The following KCND2 variants were observed in gnomAD, a reference collection of about 807,000 sequenced individuals.
KCND2 encodes potassium voltage-gated channel subfamily D member 2, also known as A-type voltage-gated potassium channel KCND2.
KCND2 carries 16 observed loss-of-function variants against 54.4 expected under a neutral mutation model. The observed-to-expected ratio is 0.29, with a 90% CI of 0.20 to 0.45. KCND2 has a LOEUF of 0.45. Among genes scored for constraint, KCND2 ranks in the 20% least tolerant of loss-of-function variants. The pLI, the probability that KCND2 is intolerant of heterozygous loss-of-function variation, is 1.00. For synonymous variants in KCND2, 317 were observed against 310.7 expected (o/e 1.02, Z -0.21); for missense variants, 486 against 824.2 (o/e 0.59, Z 5.02).
At chr7:120,321,800 A>C (rs1799896373) in intron 1 of KCND2, among the ~76,000 whole-genome samples, 1 of 152,100 alleles carries the variant, frequency 6.6e-6, no homozygotes, top group Admixed American at 6.6e-5. Flanking sequence ...TTATAAAAGA[A>C]ACCAAATTTT....
At chr7:120,539,356 T>C (rs1446858134) in intron 1 of KCND2, among the ~76,000 whole-genome samples, 1 of 152,194 alleles carries the variant, frequency 6.6e-6, no homozygotes, top group African/African-American at 2.4e-5. Flanking sequence ...AAGTCATCTC[T>C]GAAGAGAGCT....
intron 1 of KCND2, among the ~76,000 whole-genome samples, chr7:120,298,370 A>G (rs536991911): frequency 3.4e-4 from 52 of 152,326 alleles, no homozygotes; most frequent in African/African-American, 1.2e-3. Flanking sequence ...GTAGATTTTC[A>G]CATTGAGAAG....
At chr7:120,619,086 A>G (rs1302432898) in intron 1 of KCND2, among the ~76,000 whole-genome samples, 1 of 152,232 alleles carries the variant, frequency 6.6e-6, no homozygotes, top group Non-Finnish European at 1.5e-5. Flanking sequence ...ACTCTGTACT[A>G]CATAAGTAGA....
chr7:120,293,185 A>AC (rs1276283444), intron 1 of KCND2, among the ~76,000 whole-genome samples: 1 of 151,916 alleles, frequency 6.6e-6, no homozygotes, highest in Non-Finnish European at 1.5e-5. Flanking sequence ...TTTGTGTGCT[A>AC]CCTAGCTACA....
chr7:120,429,012 G>A (rs1167475893), intron 1 of KCND2, among the ~76,000 whole-genome samples: 1 of 152,128 alleles, frequency 6.6e-6, no homozygotes, highest in Non-Finnish European at 1.5e-5. Flanking sequence ...TGGGATAATT[G>A]TCAAGAAGTT....
chr7:120,601,298 G>A (rs999750412), intron 1 of KCND2, among the ~76,000 whole-genome samples: 1 of 152,084 alleles, frequency 6.6e-6, no homozygotes, highest in Admixed American at 6.6e-5. Flanking sequence ...TAACATGCTT[G>A]ATGCTGCAGT....
chr7:120,327,648 T>C (rs1799997416), intron 1 of KCND2, among the ~76,000 whole-genome samples: 1 of 152,280 alleles, frequency 6.6e-6, no homozygotes, highest in South Asian at 2.1e-4. Flanking sequence ...TTGTATTTAT[T>C]CAACTCTGTT....
chr7:120,408,119 T>C (rs1801389772), intron 1 of KCND2, among the ~76,000 whole-genome samples: 1 of 151,882 alleles, frequency 6.6e-6, no homozygotes, highest in Non-Finnish European at 1.5e-5. Flanking sequence ...GGGAATATAA[T>C]TATAAACCCA....
intron 1 of KCND2, among the ~76,000 whole-genome samples, chr7:120,300,269 G>A (rs1799566743): frequency 6.6e-6 from 1 of 152,122 alleles, no homozygotes; most frequent in Non-Finnish European, 1.5e-5. Context: ...CCACTGTGTT[G>A]TGTCCAGAAA....
intron 1 of KCND2, among the ~76,000 whole-genome samples, chr7:120,421,831 C>G (rs753351898): frequency 7.2e-5 from 11 of 152,138 alleles, no homozygotes; most frequent in Non-Finnish European, 1.5e-4. Flanking sequence ...ATCCACAATC[C>G]TGGCATGGAT....
At chr7:120,316,797 G>A (rs1799818722) in intron 1 of KCND2, among the ~76,000 whole-genome samples, 1 of 151,144 alleles carries the variant, frequency 6.6e-6, no homozygotes, top group African/African-American at 2.4e-5. Flanking sequence ...TGTACTTTAT[G>A]TGAAGGAAAA....
intron 1 of KCND2, among the ~76,000 whole-genome samples, chr7:120,285,153 A>AT (rs1799321828): frequency 6.6e-6 from 1 of 152,028 alleles, no homozygotes; most frequent in South Asian, 2.1e-4. Flanking sequence ...GGTTCCTTTT[A>AT]TTTTTTCAAC....
At chr7:120,575,663 C>T (rs940661549) in intron 1 of KCND2, among the ~76,000 whole-genome samples, 4 of 152,158 alleles carry the variant, frequency 2.6e-5, no homozygotes, top group African/African-American at 9.7e-5. Flanking sequence ...AATTTGTACA[C>T]CTGGCTATAT....
At chr7:120,665,387 T>C (rs887301691) in intron 1 of KCND2, among the ~76,000 whole-genome samples, 3 of 152,108 alleles carry the variant, frequency 2.0e-5, no homozygotes, top group African/African-American at 7.2e-5. Flanking sequence ...GCTTAATTTA[T>C]TGCACAAGTA....
chr7:120,500,088 T>C (rs770353840), intron 1 of KCND2, among the ~76,000 whole-genome samples: 17 of 152,200 alleles, frequency 1.1e-4, no homozygotes, highest in Non-Finnish European at 2.5e-4. Flanking sequence ...TAGTCCCAAA[T>C]GTTTTATTTC....
intron 1 of KCND2, among the ~76,000 whole-genome samples, chr7:120,520,538 A>G (rs1358000060): frequency 1.3e-5 from 2 of 152,088 alleles, no homozygotes; most frequent in African/African-American, 4.8e-5. Flanking sequence ...TAAAAGGAAA[A>G]GAAATAGCAA....
At chr7:120,343,382 T>A (rs1800269847) in intron 1 of KCND2, among the ~76,000 whole-genome samples, 1 of 152,188 alleles carries the variant, frequency 6.6e-6, no homozygotes, top group South Asian at 2.1e-4. Context: ...TTAAGCTACC[T>A]GACTATGAGA....
intron 1 of KCND2, among the ~76,000 whole-genome samples, chr7:120,723,684 C>T (rs555689586): frequency 8.5e-5 from 13 of 152,102 alleles, no homozygotes; most frequent in Non-Finnish European, 1.5e-4. Flanking sequence ...TACCTGTCAA[C>T]AGCCACTGCA....
rs34908580 is a variant in KCND2 at position 120,558,993 on chromosome 7, C to CTGTG, written c.1116-173892_1116-173889dup. Among the ~76,000 whole-genome samples the CTGTG allele has an allele frequency of 8.2e-3, 1,218 of 149,096 alleles. 17 individuals carry two copies. Among genetic ancestry groups the CTGTG allele is most frequent in the South Asian group, 0.062 (289 of 4,698 alleles). ...TGAGGTAGCCAAAGTTCACAAAGTA[C>CTGTG]TGTGTGTGTGTGTGTGTGTGTTTCT... On this transcript the variant is annotated intron_variant, in intron 1 of 5. Coordinates refer to ENST00000331113, the MANE Select transcript of KCND2 (RefSeq NM_012281.3).
Sources: gnomAD v4.1 joint callset for allele counts (sites outside exome capture counted in the v4.1 genomes callset) on GRCh38, gnomAD v4.1.1 for gene constraint, MANE v1.5 for transcripts, NCBI Gene and HGNC (gene_info 2026-07-23, HGNC 2026-07-21) for gene names.